Variants in TNIP3 observed in about 807,000 individuals in gnomAD.
TNIP3 encodes the protein TNFAIP3-interacting protein 3.
In TNIP3, 34 loss-of-function variants were observed where a neutral mutation model predicts 54.1. The observed-to-expected ratio is 0.63, with a 90% confidence interval of 0.48 to 0.84. The LOEUF is 0.84. TNIP3 is among the 40% of genes least tolerant of loss of function. The probability of loss-of-function intolerance (pLI) is 0.00; values close to 1 mark genes in which losing one functional copy is unlikely to be tolerated. For missense variants in TNIP3, 366 were observed against 387.6 expected (o/e 0.94, Z 0.47); for synonymous variants, 134 against 136.8 (o/e 0.98, Z 0.14).
intron 3 of TNIP3, among the ~76,000 whole-genome samples, chr4:121,180,954 C>T (rs1267440751): frequency 1.3e-5 from 2 of 152,152 alleles, no homozygotes; most frequent in Non-Finnish European, 2.9e-5. Flanking sequence ...AAATAGAAAA[C>T]ATCAGCTAAG....
intron 2 of TNIP3, among the ~76,000 whole-genome samples, chr4:121,189,923 G>A (rs1725214770): frequency 6.6e-6 from 1 of 152,144 alleles, no homozygotes; most frequent in African/African-American, 2.4e-5. Context: ...CCACAAACTA[G>A]ATCCAAACCT....
At chr4:121,181,398 C>T (rs1579452382) in intron 3 of TNIP3, among the ~76,000 whole-genome samples, 1 of 152,026 alleles carries the variant, frequency 6.6e-6, no homozygotes, top group Non-Finnish European at 1.5e-5. Flanking sequence ...ATGAGAAGAG[C>T]AGAAGAAAAC....
At position 121,146,019 on chromosome 4, in the gene TNIP3, C is replaced by CTT. The variant is rs558232452; in HGVS notation, c.735+1028_735+1029dup. Reference sequence around the variant, plus strand: ...AGAGAGAGAATATACAATATATACTCTTTTTTTTTACCAAGAGTAATCAGA... The same window carrying CTT: ...AGAGAGAGAATATACAATATATACTCTTTTTTTTTTTACCAAGAGTAATCAGA... On this transcript the variant is annotated intron_variant, in intron 7 of 10. Coordinates refer to ENST00000057513, the MANE Select transcript of TNIP3 (RefSeq NM_024873.6). 6.8e-3 allele frequency among the ~76,000 whole-genome samples: 1,028 copies of CTT among 150,130 alleles called. 8 individuals are homozygous for CTT. The highest frequency in any genetic ancestry group is 0.024 in the African/African-American group (965 of 40,906).
intron 2 of TNIP3, among the ~76,000 whole-genome samples, chr4:121,199,773 A>T (rs937769371): frequency 3.9e-5 from 6 of 152,204 alleles, no homozygotes; most frequent in Non-Finnish European, 5.9e-5. Flanking sequence ...AAGAAAGGAA[A>T]CCAAGGAAGC....
At chr4:121,148,150 T>C (rs1729539797) in intron 6 of TNIP3, among the ~76,000 whole-genome samples, 1 of 152,200 alleles carries the variant, frequency 6.6e-6, no homozygotes, top group Admixed American at 6.5e-5. Context: ...CTGATTAGAA[T>C]TAAACACTGG....
At chr4:121,221,894 C>T (rs11737150) in intron 1 of TNIP3, among the ~76,000 whole-genome samples, 319 of 152,244 alleles carry the variant, frequency 2.1e-3, no homozygotes, top group Non-Finnish European at 3.8e-3. Context: ...AGCTCAATCA[C>T]ATCAGAACAC....
intron 7 of TNIP3, among the ~76,000 whole-genome samples, chr4:121,143,761 T>C (rs1360965328): frequency 2.0e-5 from 3 of 152,250 alleles, no homozygotes; most frequent in African/African-American, 7.2e-5. Flanking sequence ...ACAACTTATT[T>C]AATATGTATT....
intron 2 of TNIP3, among the ~76,000 whole-genome samples, chr4:121,199,271 T>C (rs1430293786): frequency 6.6e-6 from 1 of 152,204 alleles, no homozygotes; most frequent in Non-Finnish European, 1.5e-5. Context: ...ATGCTAGAGC[T>C]GGGAAACTGT....
At chr4:121,222,183 T>C (rs965339987) in intron 1 of TNIP3, among the ~76,000 whole-genome samples, 1 of 152,202 alleles carries the variant, frequency 6.6e-6, no homozygotes, top group Non-Finnish European at 1.5e-5. Context: ...AGTGAAATAT[T>C]AGTGAATTTC....
At chr4:121,202,234 G>A (rs537529774) in intron 2 of TNIP3, among the ~76,000 whole-genome samples, 1 of 152,266 alleles carries the variant, frequency 6.6e-6, no homozygotes, top group East Asian at 1.9e-4. Flanking sequence ...CAAGGGAACA[G>A]AATAGAGAAC....
intron 2 of TNIP3, among the ~76,000 whole-genome samples, chr4:121,205,728 A>G (rs942213765): frequency 2.0e-5 from 3 of 152,130 alleles, no homozygotes; most frequent in African/African-American, 7.2e-5. Context: ...GAAAAAGCTC[A>G]AGGATGCCTC....
chr4:121,166,034 A>T (rs1730750381), upstream of TNIP3, among the ~76,000 whole-genome samples: 1 of 152,186 alleles, frequency 6.6e-6, no homozygotes, highest in Non-Finnish European at 1.5e-5. Flanking sequence ...TTGTATAGGG[A>T]TGTGGTAACA....
At chr4:121,154,128 T>G (rs75382441) in intron 5 of TNIP3, 4,520 of 206,652 alleles carry the variant, frequency 0.022, 100 homozygotes, top group Admixed American at 0.035. Flanking sequence ...CCTTGGATTC[T>G]GCATTTAGCA....
At chr4:121,217,274 G>A (rs1028406214), upstream of TNIP3, among the ~76,000 whole-genome samples, 2 of 152,058 alleles carry the variant, frequency 1.3e-5, no homozygotes, top group Admixed American at 6.6e-5. Context: ...CAATTGCTGA[G>A]AACCCATCAG....
At chr4:121,192,546 C>T (rs866490042) in intron 2 of TNIP3, among the ~76,000 whole-genome samples, 1 of 152,092 alleles carries the variant, frequency 6.6e-6, no homozygotes, top group Admixed American at 6.5e-5. Flanking sequence ...TCCTGAAAAG[C>T]TTCTATCGAG....
intron 3 of TNIP3, among the ~76,000 whole-genome samples, chr4:121,180,872 C>G (rs1724652928): frequency 6.6e-6 from 1 of 152,212 alleles, no homozygotes; most frequent in African/African-American, 2.4e-5. Flanking sequence ...TTCCCCAATT[C>G]CCTTAAGCCT....
chr4:121,224,947 T>C (rs542653825), intron 1 of TNIP3, among the ~76,000 whole-genome samples: 134 of 152,266 alleles, frequency 8.8e-4, no homozygotes, highest in African/African-American at 3.1e-3. Context: ...ATACACTGTG[T>C]CCGAGAGTCA....
At position 121,183,503 on chromosome 4, in the gene TNIP3, ACCAGGGGTCC is replaced by A. The variant is rs1264527267; in HGVS notation, c.69-717_69-708del. Reference sequence around the variant, plus strand: ...AATCAAATTTTTATTTTTCCTTTATACCAGGGGTCCCCAACCCCCACTGCCAGTCTGGCCT... The same window carrying A: ...AATCAAATTTTTATTTTTCCTTTATACCAACCCCCACTGCCAGTCTGGCCT... On this transcript the variant is annotated intron_variant, in intron 2 of 12. Coordinates refer to the TNIP3 transcript ENST00000507879. Among the ~76,000 whole-genome samples, 4 of 152,206 alleles carry A rather than the reference ACCAGGGGTCC, an allele frequency of 2.6e-5. No individual in the cohort carries two copies. The South Asian group carries it at 6.2e-4, about 24-fold the overall frequency.
At chr4:121,181,048 T>TAG (rs1166549604) in intron 3 of TNIP3, among the ~76,000 whole-genome samples, 5 of 152,130 alleles carry the variant, frequency 3.3e-5, no homozygotes, top group East Asian at 1.9e-4. Flanking sequence ...ATCAGTATCT[T>TAG]AGAGAGAGAG....
Sources: gnomAD v4.1 joint callset for allele counts (sites outside exome capture counted in the v4.1 genomes callset) on GRCh38, gnomAD v4.1.1 for gene constraint, MANE v1.5 for transcripts, NCBI Gene and HGNC (gene_info 2026-07-23, HGNC 2026-07-21) for gene names.